The following SYNE3 variants were observed in gnomAD, a reference collection of about 807,000 sequenced individuals.
The protein encoded by SYNE3 is spectrin repeat containing nuclear envelope family member 3, also known as nesprin-3.
In SYNE3, 100 loss-of-function variants were observed where a neutral mutation model predicts 111.2. The ratio of observed to expected loss-of-function variants is 0.90; its 90% CI spans 0.77 to 1.06. SYNE3 has a LOEUF of 1.06. Among genes scored for constraint, SYNE3 ranks in the 50% least tolerant of loss-of-function variants. The pLI is 0.00. For missense variants in SYNE3, 1,160 were observed against 1,240.3 expected (o/e 0.94, Z 0.97); for synonymous variants, 547 against 533.9 (o/e 1.02, Z -0.34).
chr14:95,467,985 G>A lies in SYNE3; in HGVS notation c.145-18C>T, dbSNP rs1888299542. 6.3e-7 allele frequency: 1 copy of A among 1,597,744 alleles called. No homozygotes were observed. The highest frequency in any genetic ancestry group is 8.6e-7 in the Non-Finnish European group (1 of 1,169,284). ...CATATTTTCTGTTGTGGACACACAA[G>A]CCAGTTTCCAGGGTTGGCAAAAGGC... On this transcript the variant is annotated intron_variant, in intron 2 of 17. Coordinates refer to ENST00000682763, the MANE Select transcript of SYNE3 (RefSeq NM_152592.6).
At position 95,432,131 on chromosome 14, in the gene SYNE3, G is replaced by C. The variant is rs752438728; in HGVS notation, c.2689-14C>G. ...AGAACTTTGTGTCTGTTATTTTAGG[G>C]AAGGAGAGGAAAAGGGGGGAAAAAA... On this transcript the variant is annotated splice_polypyrimidine_tract_variant and intron_variant, in intron 16 of 17. Coordinates refer to ENST00000682763, the MANE Select transcript of SYNE3 (RefSeq NM_152592.6). The C allele has an allele frequency of 1.2e-6, 2 of 1,608,904 alleles. No individual in the cohort carries two copies. The highest frequency in any genetic ancestry group is 1.7e-6 in the Non-Finnish European group (2 of 1,178,054).
chr14:95,456,753 A>T (rs1326614089), intron 5 of SYNE3, among the ~76,000 whole-genome samples: 2 of 152,156 alleles, frequency 1.3e-5, no homozygotes, highest in South Asian at 4.1e-4. Flanking sequence ...ATGGGTTCTT[A>T]TATATTCTGT....
intron 1 of SYNE3, among the ~76,000 whole-genome samples, chr14:95,490,260 C>T (rs190195866): frequency 6.6e-6 from 1 of 152,344 alleles, no homozygotes; most frequent in Non-Finnish European, 1.5e-5. Context: ...TACCATATTT[C>T]CATGTTATAA....
At chr14:95,487,957 C>T (rs1566684544) in intron 1 of SYNE3, among the ~76,000 whole-genome samples, 1 of 151,768 alleles carries the variant, frequency 6.6e-6, no homozygotes, top group Non-Finnish European at 1.5e-5. Flanking sequence ...AACATCAGGA[C>T]GATAAGGATG....
At chr14:95,481,845 G>A (rs544494157) in intron 1 of SYNE3, among the ~76,000 whole-genome samples, 1 of 152,250 alleles carries the variant, frequency 6.6e-6, no homozygotes, top group East Asian at 1.9e-4. Flanking sequence ...GTCTCTGGGG[G>A]ACCAGGCTTG....
rs1312888839 is a variant in SYNE3, at chr14:95,485,937, TCAGGGGAGGGACAGAGGTG to T, written c.-14-10121_-14-10103del. Among the ~76,000 whole-genome samples, 1 of 151,984 alleles carries T rather than the reference TCAGGGGAGGGACAGAGGTG, an allele frequency of 6.6e-6. No individual in the cohort carries two copies. Among genetic ancestry groups the T allele is most frequent in the African/African-American group, 2.4e-5 (1 of 41,362 alleles). On this transcript the variant is annotated intron_variant, in intron 1 of 17. Transcript: ENST00000682763. This position sits in a 1 kb window ranked among gnomAD's most constrained non-coding sequence, Gnocchi z 4.3. ...AGCAGAGTCTGATTTGGGACAAGGG[TCAGGGGAGGGACAGAGGTG>T]CAGACAGCAGCCTGCACTCAAGGGG...
chr14:95,516,280 G>A (rs1330438640), intron 1 of SYNE3: 1 of 152,206 alleles, frequency 6.6e-6, no homozygotes, highest in East Asian at 1.9e-4. Context: ...GCCCGCTGGG[G>A]CGCGCTGCCC....
chr14:95,430,933 C>T (rs1885727287), intron 17 of SYNE3, among the ~76,000 whole-genome samples: 1 of 152,188 alleles, frequency 6.6e-6, no homozygotes, highest in African/African-American at 2.4e-5. Flanking sequence ...AGAGCCCAGC[C>T]TTGATTTTGT....
chr14:95,514,549 A>G (rs73330316), intron 1 of SYNE3, among the ~76,000 whole-genome samples: 10,855 of 152,314 alleles, frequency 0.071, 1,289 homozygotes, highest in African/African-American at 0.25. Flanking sequence ...GACACCATAC[A>G]AAATGCTGAT....
rs148738726 is a variant in SYNE3, at chr14:95,470,815, G to A, written c.145-2848C>T. ...TCTACTGAAAATACAAAAATTAGCCGGGCATGGTGGCGCACACCTGTGATC... is the reference window on the plus strand; with the variant it reads ...TCTACTGAAAATACAAAAATTAGCCAGGCATGGTGGCGCACACCTGTGATC... On this transcript the variant is annotated intron_variant, in intron 2 of 17. Coordinates refer to ENST00000682763, the MANE Select transcript of SYNE3 (RefSeq NM_152592.6). The surrounding 1 kb of genome is among the most constrained non-coding windows in gnomAD (Gnocchi z 4.2). 3.1e-3 allele frequency among the ~76,000 whole-genome samples: 463 copies of A among 151,572 alleles called. 3 individuals are homozygous for A. Among genetic ancestry groups the A allele is most frequent in the African/African-American group, 0.011 (438 of 41,338 alleles).
At chr14:95,424,139 G>C (rs1392135331) in intron 17 of SYNE3, among the ~76,000 whole-genome samples, 1 of 152,196 alleles carries the variant, frequency 6.6e-6, no homozygotes, top group Non-Finnish European at 1.5e-5. Flanking sequence ...GCAGTCTGAA[G>C]ACAGTGCATA....
chr14:95,455,961 G>A (rs1475077914), intron 5 of SYNE3: 1 of 509,098 alleles, frequency 2.0e-6, no homozygotes, highest in Non-Finnish European at 3.5e-6. Flanking sequence ...TTAAGTCAAG[G>A]AGAAAGTCTC....
At position 95,439,050 on chromosome 14, in the gene SYNE3, G is replaced by A. The variant is rs1886257627; in HGVS notation, c.2359C>T (p.Pro787Ser). The part of the protein sequence containing the change: ...GFLINPMDPI[P>S]RHRRRANLLQ... ...AGACTCACGCGTCGACGATGCCTGG[G>A]AATAGGATCCATGGGATTGATGAGA... Residue 787 changes from proline to serine, a missense_variant, in exon 14 of 18, where the codon CCC becomes TCC. Physicochemically the swap from Pro to Ser is moderately conservative, Grantham distance 74 (BLOSUM62 -1). Transcript: ENST00000682763. The A allele has an allele frequency of 2.5e-6, 4 of 1,614,236 alleles. No homozygotes were observed. Among genetic ancestry groups the A allele is most frequent in the African/African-American group, 1.3e-5 (1 of 75,072 alleles).
chr14:95,469,299 C>A (rs971244463), intron 2 of SYNE3, among the ~76,000 whole-genome samples: 3 of 152,038 alleles, frequency 2.0e-5, no homozygotes, highest in Non-Finnish European at 4.4e-5. Flanking sequence ...AGCTGTGTGA[C>A]CCCAGGCAGG....
At chr14:95,440,340 TCCA>T (rs987849728) in intron 11 of SYNE3, among the ~76,000 whole-genome samples, 2 of 152,212 alleles carry the variant, frequency 1.3e-5, no homozygotes, top group Admixed American at 1.3e-4. Context: ...GGATCTCCTG[TCCA>T]CCACTGATCC....
intron 2 of SYNE3, 120 bp from the exon 3 acceptor site, chr14:95,468,087 C>T (rs1292016428): frequency 8.9e-5 from 105 of 1,186,244 alleles, no homozygotes; most frequent in Non-Finnish European, 1.2e-4. Context: ...CTGGGATTCA[C>T]ATCACAGCCC....
intron 1 of SYNE3, among the ~76,000 whole-genome samples, chr14:95,503,280 C>T (rs1890404672): frequency 6.6e-6 from 1 of 152,198 alleles, no homozygotes. Context: ...GCCATCCACC[C>T]CTTTGTATAC....
chr14:95,457,039 C>T (rs374278827), intron 5 of SYNE3, 138 bp downstream of exon 5: 26 of 1,172,592 alleles, frequency 2.2e-5, no homozygotes, highest in African/African-American at 6.3e-5. Flanking sequence ...GAGCTGAGAT[C>T]GCGCCACTGC....
In SYNE3 at chr14:95,408,923, C is replaced by G; in HGVS notation, c.*8903G>C. Reference sequence around the variant, plus strand: ...CTTTTCCAGTGGGAAGGTAGACAGACAGTGGGTACCTGCTCCCGTCCCCTG... The same window carrying G: ...CTTTTCCAGTGGGAAGGTAGACAGAGAGTGGGTACCTGCTCCCGTCCCCTG... On this transcript the variant is annotated 3_prime_UTR_variant, in exon 18 of 18. Coordinates refer to ENST00000682763, the MANE Select transcript of SYNE3 (RefSeq NM_152592.6). 1 of 353,208 alleles carries G rather than the reference C, an allele frequency of 2.8e-6. No individual in the cohort carries two copies. The highest frequency in any genetic ancestry group is 2.1e-5 in the South Asian group (1 of 47,742). 21.9% of individuals were successfully genotyped at this position (353,208 alleles called of 1,614,324 possible).
Sources: allele counts gnomAD v4.1 joint callset (sites outside exome capture counted in the v4.1 genomes callset), GRCh38; gene constraint gnomAD v4.1.1; non-coding constraint Gnocchi (gnomAD v3.1); transcripts MANE v1.5; gene names NCBI Gene and HGNC (gene_info 2026-07-23, HGNC 2026-07-21).